Variants in PPP2R5A observed in about 807,000 individuals in gnomAD.
The protein encoded by PPP2R5A is protein phosphatase 2 regulatory subunit B'alpha.
In PPP2R5A, 25 loss-of-function variants were observed where a neutral mutation model predicts 64.2. That is an observed-to-expected ratio of 0.39 (90% confidence interval 0.28 to 0.54). The LOEUF (loss-of-function observed/expected upper bound fraction) is 0.54. Ranked by LOEUF, PPP2R5A falls within the 20% of genes least tolerant of loss-of-function variation. The pLI, the probability that PPP2R5A is intolerant of heterozygous loss-of-function variation, is 0.67. For synonymous variants in PPP2R5A, 198 were observed against 201.2 expected, an observed-to-expected ratio of 0.98 and a Z score of 0.13; for missense variants, 425 against 576.3, an observed-to-expected ratio of 0.74 and a Z score of 2.69.
intron 1 of PPP2R5A, among the ~76,000 whole-genome samples, chr1:212,323,657 A>G (rs1025484599): frequency 6.6e-6 from 1 of 152,210 alleles, no homozygotes; most frequent in Non-Finnish European, 1.5e-5. Flanking sequence ...AAACAAAAAC[A>G]AATTTAAATG....
chr1:212,321,972 G>T (rs559567009), intron 1 of PPP2R5A, among the ~76,000 whole-genome samples: 2 of 151,910 alleles, frequency 1.3e-5, no homozygotes, highest in Non-Finnish European at 2.9e-5. Flanking sequence ...GATCACTCGC[G>T]GTTAGGAGCT....
At chr1:212,303,819 G>A (rs1658843877) in intron 1 of PPP2R5A, among the ~76,000 whole-genome samples, 1 of 151,980 alleles carries the variant, frequency 6.6e-6, no homozygotes, top group Admixed American at 6.6e-5. Flanking sequence ...GATGGTCTTG[G>A]CCCTTTTGTT....
intron 1 of PPP2R5A, among the ~76,000 whole-genome samples, chr1:212,294,691 T>C (rs537882482): frequency 6.6e-6 from 1 of 152,330 alleles, no homozygotes; most frequent in Non-Finnish European, 1.5e-5. Context: ...TTAATGTCTT[T>C]AGGAGTTTAT....
intron 1 of PPP2R5A, among the ~76,000 whole-genome samples, chr1:212,322,301 T>C (rs534738210): frequency 2.2e-5 from 3 of 137,542 alleles, no homozygotes; most frequent in Non-Finnish European, 3.2e-5. Context: ...GAGAGCTTCT[T>C]ACAGATTGTT....
intron 1 of PPP2R5A, among the ~76,000 whole-genome samples, chr1:212,302,638 A>C (rs1658817825): frequency 6.6e-6 from 1 of 152,220 alleles, no homozygotes; most frequent in Non-Finnish European, 1.5e-5. Context: ...TAAAGTATAC[A>C]ATTCCATGGC....
chr1:212,358,900 T>C (rs996801032), intron 12 of PPP2R5A, 113 bp downstream of exon 12: 34 of 744,872 alleles, frequency 4.6e-5, no homozygotes, highest in Admixed American at 2.0e-4. Context: ...AAGAAGTTAA[T>C]TACCTTATAG....
intron 1 of PPP2R5A, among the ~76,000 whole-genome samples, chr1:212,295,641 G>A (rs1456019259): frequency 6.6e-6 from 1 of 152,196 alleles, no homozygotes; most frequent in Admixed American, 6.5e-5. Flanking sequence ...GACAGCTGGA[G>A]TGGAGGCCAA....
chr1:212,342,558 GTA>G (rs1659703438), intron 4 of PPP2R5A, among the ~76,000 whole-genome samples: 1 of 152,164 alleles, frequency 6.6e-6, no homozygotes, highest in Admixed American at 6.5e-5. Flanking sequence ...CCTTTCTGCA[GTA>G]TCTGAGAAAA....
At chr1:212,316,733 C>T (rs937945463) in intron 1 of PPP2R5A, among the ~76,000 whole-genome samples, 3 of 151,302 alleles carry the variant, frequency 2.0e-5, no homozygotes, top group African/African-American at 4.9e-5. Context: ...CAGTCTCTGG[C>T]GATCCTTTAT....
chr1:212,340,067 G>A (rs1659661990), intron 3 of PPP2R5A, among the ~76,000 whole-genome samples: 1 of 150,930 alleles, frequency 6.6e-6, no homozygotes, highest in Non-Finnish European at 1.5e-5. Flanking sequence ...GCTGAGGCGG[G>A]TGCATAGCTT....
intron 1 of PPP2R5A, among the ~76,000 whole-genome samples, chr1:212,321,792 C>T (rs7416306): frequency 0.3 from 44,627 of 150,702 alleles, 7,146 homozygotes; most frequent in Non-Finnish European, 0.37. Context: ...GGGTGGCCGC[C>T]GGGCAGAGGC....
At chr1:212,294,624 C>T (rs1022406085) in intron 1 of PPP2R5A, among the ~76,000 whole-genome samples, 5 of 152,158 alleles carry the variant, frequency 3.3e-5, no homozygotes, top group East Asian at 3.9e-4. Flanking sequence ...TTTGGTGAAC[C>T]GCTGCAGAGA....
chr1:212,298,900 G>A (rs1414275179), intron 1 of PPP2R5A, among the ~76,000 whole-genome samples: 11 of 33,238 alleles, frequency 3.3e-4, no homozygotes, highest in South Asian at 9.5e-4. Flanking sequence ...CCTCCCTCCC[G>A]GACTGGGCGG....
At chr1:212,358,485 T>G in intron 11 of PPP2R5A, 1 of 356,966 alleles carries the variant, frequency 2.8e-6, no homozygotes. Context: ...ATGGAAAAGA[T>G]TTAAGTTTTC....
intron 5 of PPP2R5A, among the ~76,000 whole-genome samples, chr1:212,346,450 G>A (rs777264751): frequency 6.6e-6 from 1 of 151,516 alleles, no homozygotes; most frequent in Admixed American, 6.6e-5. Flanking sequence ...ATATAAAATG[G>A]CACAGTATTT....
intron 11 of PPP2R5A, among the ~76,000 whole-genome samples, chr1:212,357,765 C>T (rs113516848): frequency 0.095 from 14,013 of 147,590 alleles, 2,151 homozygotes; most frequent in African/African-American, 0.32. Context: ...ATTGTGCCAC[C>T]GCACTCTAGC....
chr1:212,322,201 T>TGGGGAGAGGGAGACTGTGGGGAG (rs1659313935), intron 1 of PPP2R5A, among the ~76,000 whole-genome samples: 1 of 75,388 alleles, frequency 1.3e-5, no homozygotes, highest in African/African-American at 4.3e-5. Context: ...AGGGAGACCG[T>TGGGGAGAGGGAGACTGTGGGGAG]GGGGAGAGGG....
At chr1:212,353,956 G>A (rs1196339867) in intron 8 of PPP2R5A, among the ~76,000 whole-genome samples, 1 of 151,884 alleles carries the variant, frequency 6.6e-6, no homozygotes, top group African/African-American at 2.4e-5. Flanking sequence ...AGGCCGAGGC[G>A]GGTAGATCAC....
chr1:212,328,006 G>T (rs1457721863), intron 1 of PPP2R5A, among the ~76,000 whole-genome samples: 1 of 152,194 alleles, frequency 6.6e-6, no homozygotes, highest in Non-Finnish European at 1.5e-5. Flanking sequence ...GTAGAGACGG[G>T]GTTTTGCCAT....
Sources: gnomAD v4.1 joint callset for allele counts (sites outside exome capture counted in the v4.1 genomes callset) on GRCh38, gnomAD v4.1.1 for gene constraint, MANE v1.5 for transcripts, NCBI Gene and HGNC (gene_info 2026-07-23, HGNC 2026-07-21) for gene names.